Variants in DMXL2 observed in about 807,000 individuals in gnomAD.
DMXL2 encodes Dmx like 2, also known as dmX-like protein 2.
DMXL2 carries 103 observed loss-of-function variants against 331.1 expected under a neutral mutation model. That is an observed-to-expected ratio of 0.31 (90% CI 0.27 to 0.37). The LOEUF is 0.37. Ranked by LOEUF, DMXL2 falls within the 10% of genes least tolerant of loss-of-function variation. DMXL2 has a pLI of 1.00. For missense variants in DMXL2, 3,171 were observed against 3,642.9 expected, an observed-to-expected ratio of 0.87 and a Z score of 3.33; for synonymous variants, 1,281 against 1,252.1, an observed-to-expected ratio of 1.02 and a Z score of -0.49.
chr15:51,538,215 T>C lies in DMXL2; in HGVS notation c.1343A>G (p.His448Arg). 2 of 1,611,428 alleles carry C rather than the reference T, an allele frequency of 1.2e-6. No homozygotes were observed. The highest frequency in any genetic ancestry group is 2.2e-5 in the South Asian group (2 of 90,780). Residue 448 changes from histidine to arginine, a missense_variant and splice_region_variant, in exon 10 of 44, where the codon CAT (histidine) becomes CGT (arginine). His to Arg is a conservative substitution (Grantham distance 29, BLOSUM62 0). Transcript: ENST00000560891. ...AAATCTGAACACAGGATACTAACCA[T>C]GGTCTAATTTCATATGTAAACCCCG... is the stretch of plus-strand genomic sequence containing the variant. The part of the protein sequence containing the change: ...RERGLHMKLD[H>R]DLSLDRESEA...
chr15:51,621,260 G>A (rs1014187138), intron 1 of DMXL2, among the ~76,000 whole-genome samples: 1 of 152,202 alleles, frequency 6.6e-6, no homozygotes, highest in African/African-American at 2.4e-5. Flanking sequence ...GCAATCTTCT[G>A]GGGTTAATGT....
chr15:51,556,773 A>C (rs545542943), intron 6 of DMXL2, among the ~76,000 whole-genome samples: 25 of 142,248 alleles, frequency 1.8e-4, no homozygotes, highest in Non-Finnish European at 7.5e-5. Flanking sequence ...TTCTGTCTCC[A>C]AAAAAAAAAG....
chr15:51,558,505 T>C (rs1285143933), intron 6 of DMXL2, among the ~76,000 whole-genome samples: 1 of 152,212 alleles, frequency 6.6e-6, no homozygotes, highest in East Asian at 1.9e-4. Flanking sequence ...TGTTTTCATA[T>C]CACATGACAG....
At chr15:51,516,020 G>T (rs1294530022) in intron 14 of DMXL2, among the ~76,000 whole-genome samples, 2 of 152,114 alleles carry the variant, frequency 1.3e-5, no homozygotes, top group East Asian at 3.8e-4. Flanking sequence ...AAGAGATGAT[G>T]TATTTTATCT....
chr15:51,495,961 G>C (rs1393307265), intron 18 of DMXL2, among the ~76,000 whole-genome samples: 4 of 151,800 alleles, frequency 2.6e-5, no homozygotes, highest in Admixed American at 2.6e-4. Context: ...TTAGGTTGGT[G>C]CAAAAGTATT....
At chr15:51,581,319 T>C (rs1422413065) in intron 1 of DMXL2, among the ~76,000 whole-genome samples, 1 of 152,148 alleles carries the variant, frequency 6.6e-6, no homozygotes, top group Non-Finnish European at 1.5e-5. Flanking sequence ...ATCCCTCTCC[T>C]TCACCCCTCG....
intron 1 of DMXL2, among the ~76,000 whole-genome samples, chr15:51,579,584 G>C (rs187342385): frequency 6.6e-6 from 1 of 152,268 alleles, no homozygotes; most frequent in East Asian, 1.9e-4. Context: ...ATAAATAGCT[G>C]TATAGTAAAT....
rs545369214 is a variant in DMXL2, at chr15:51,494,319, G to C, written c.4783+705C>G. On this transcript the variant is annotated intron_variant, in intron 19 of 43. Coordinates refer to ENST00000560891, the MANE Select transcript of DMXL2 (RefSeq NM_001378457.1). ...TAAGAATAACAGTGTATCAAGCCTA[G>C]TGTTCTAGGTTCTATAATACTAAGA... Among the ~76,000 whole-genome samples, 149 of 152,278 alleles carry C rather than the reference G, an allele frequency of 9.8e-4. 2 individuals carry two copies. The highest frequency in any genetic ancestry group is 3.4e-3 in the African/African-American group (143 of 41,566).
intron 6 of DMXL2, among the ~76,000 whole-genome samples, chr15:51,556,510 T>G (rs1407713981): frequency 6.6e-6 from 1 of 151,254 alleles, no homozygotes; most frequent in Admixed American, 6.6e-5. Flanking sequence ...CAGTGGCTCA[T>G]GCCTGTAATC....
In DMXL2 at chr15:51,456,332, G is replaced by A. The variant is rs1313482568; in HGVS notation, c.8375C>T (p.Thr2792Ile). Residue 2792 changes from threonine to isoleucine, a missense_variant, in exon 38 of 44, where the codon ACT becomes ATT. Physicochemically the swap from Thr to Ile is moderately conservative, Grantham distance 89. Transcript: ENST00000560891. ...ACAGTATTGATGGACTGGGTGTGAA[G>A]TCATTCTCTTAACATTATGTAGATT... is the stretch of plus-strand genomic sequence containing the variant. ...KRNLHNVKRM[T>I]SHPVHQYYLT... 6.3e-7 allele frequency: 1 copy of A among 1,597,578 alleles called. No individual in the cohort carries two copies. The highest frequency in any genetic ancestry group is 2.2e-5 in the East Asian group (1 of 44,786).
chr15:51,590,974 G>T (rs901150134), intron 1 of DMXL2, among the ~76,000 whole-genome samples: 5 of 152,254 alleles, frequency 3.3e-5, no homozygotes, highest in Non-Finnish European at 7.4e-5. Flanking sequence ...GGCCGAATAG[G>T]AACAGCTCCA....
intron 13 of DMXL2, among the ~76,000 whole-genome samples, chr15:51,532,428 C>CA (rs1199979319): frequency 1.3e-5 from 2 of 151,550 alleles, no homozygotes; most frequent in African/African-American, 4.9e-5. Context: ...TTAATGTGTA[C>CA]AAAAAAATAG....
At chr15:51,591,050 G>A (rs761138314) in intron 1 of DMXL2, among the ~76,000 whole-genome samples, 9 of 152,184 alleles carry the variant, frequency 5.9e-5, no homozygotes, top group East Asian at 3.8e-4. Flanking sequence ...CTGAGGTACC[G>A]GGTTCATCTC....
intron 19 of DMXL2, among the ~76,000 whole-genome samples, chr15:51,493,357 A>T (rs1321884202): frequency 6.6e-6 from 1 of 152,350 alleles, no homozygotes; most frequent in African/African-American, 2.4e-5. Context: ...TGGTATAAGA[A>T]GAAACAAAAA....
At chr15:51,465,217 G>A (rs1209020343) in intron 31 of DMXL2, among the ~76,000 whole-genome samples, 1 of 152,068 alleles carries the variant, frequency 6.6e-6, no homozygotes, top group Non-Finnish European at 1.5e-5. Context: ...GTAACATGAT[G>A]TAACTTTGTC....
chr15:51,598,598 A>G (rs1008363979), intron 1 of DMXL2, among the ~76,000 whole-genome samples: 1 of 152,192 alleles, frequency 6.6e-6, no homozygotes, highest in Non-Finnish European at 1.5e-5. Context: ...CTTTCATGGC[A>G]TTAACACTTT....
chr15:51,542,488 T>A lies in DMXL2; in HGVS notation c.950A>T (p.Asn317Ile). 1 of 1,612,954 alleles carries A rather than the reference T, an allele frequency of 6.2e-7. No individual in the cohort carries two copies. Among genetic ancestry groups the A allele is most frequent in the Non-Finnish European group, 8.5e-7 (1 of 1,179,348 alleles). The change falls in exon 9 of 44, where the codon AAT becomes ATT. Residue 317 changes from asparagine to isoleucine, a missense_variant. Asn to Ile is a moderately radical substitution (Grantham distance 149). Around this residue, in one of 7 missense-constraint regions of DMXL2, gnomAD observed 1,674 missense variants for 1,780.2 expected, o/e 0.94. Coordinates refer to ENST00000560891, the MANE Select transcript of DMXL2 (RefSeq NM_001378457.1). Reference protein sequence around the residue: ...HALETIHHLKNLRKGQRRSSV... With the variant: ...HALETIHHLKILRKGQRRSSV... ...TGACCTCCTCTGTCCTTTCCTTAAA[T>A]TTTTCAAATGGTGTATTGTCTAAAA... is the stretch of plus-strand genomic sequence containing the variant.
At chr15:51,597,567 A>T (rs1159565529) in intron 1 of DMXL2, among the ~76,000 whole-genome samples, 1 of 152,188 alleles carries the variant, frequency 6.6e-6, no homozygotes, top group Non-Finnish European at 1.5e-5. Context: ...ATGTTGATGG[A>T]CATTTTGCCT....
chr15:51,593,909 C>T (rs2052589472), intron 1 of DMXL2, among the ~76,000 whole-genome samples: 1 of 152,150 alleles, frequency 6.6e-6, no homozygotes, highest in African/African-American at 2.4e-5. Flanking sequence ...GGGACACATT[C>T]AAAGCAGTGT....
Sources: gnomAD v4.1 joint callset for allele counts (sites outside exome capture counted in the v4.1 genomes callset) on GRCh38, gnomAD v4.1.1 for gene constraint, gnomAD v4.1.1 regional missense constraint, MANE v1.5 for transcripts, NCBI Gene and HGNC (gene_info 2026-07-23, HGNC 2026-07-21) for gene names.